The following MARCHF11 variants were observed in gnomAD, a reference collection of about 807,000 sequenced individuals.
MARCHF11 encodes membrane associated ring-CH-type finger 11, also known as E3 ubiquitin-protein ligase MARCHF11.
Under a neutral mutation model 37.3 loss-of-function variants are expected in MARCHF11, and 29 were observed. The ratio of observed to expected loss-of-function variants is 0.78; its 90% CI spans 0.58 to 1.06. The LOEUF is 1.06. Ranked by LOEUF, MARCHF11 falls within the 50% of genes least tolerant of loss-of-function variation. The pLI, the probability that MARCHF11 is intolerant of heterozygous loss-of-function variation, is 0.00. For missense variants in MARCHF11, 482 were observed against 533.4 expected (o/e 0.90, Z 0.95); for synonymous variants, 233 against 228.0 (o/e 1.02, Z -0.20).
intron 2 of MARCHF11, among the ~76,000 whole-genome samples, chr5:16,092,761 T>C (rs976609064): frequency 2.0e-5 from 3 of 152,200 alleles, no homozygotes; most frequent in Non-Finnish European, 4.4e-5. Flanking sequence ...AAATAAAAAA[T>C]AATTAAACTG....
At chr5:16,169,848 C>T (rs1221986154) in intron 2 of MARCHF11, among the ~76,000 whole-genome samples, 2 of 152,112 alleles carry the variant, frequency 1.3e-5, no homozygotes, top group African/African-American at 4.8e-5. Context: ...GAAGTACTCT[C>T]ATTTTGCCCT....
chr5:16,086,346 G>A (rs1425840210), intron 3 of MARCHF11, among the ~76,000 whole-genome samples: 1 of 152,152 alleles, frequency 6.6e-6, no homozygotes, highest in Non-Finnish European at 1.5e-5. Flanking sequence ...GCAGAATTGG[G>A]GGTGTGAGTT....
chr5:16,152,950 G>T (rs756238607), intron 2 of MARCHF11, among the ~76,000 whole-genome samples: 17 of 151,962 alleles, frequency 1.1e-4, no homozygotes, highest in Non-Finnish European at 2.4e-4. Flanking sequence ...CATTTTAAGA[G>T]CAATAAATCA....
At chr5:16,071,865 C>T (rs1298045459) in intron 3 of MARCHF11, among the ~76,000 whole-genome samples, 4 of 152,086 alleles carry the variant, frequency 2.6e-5, no homozygotes, top group Non-Finnish European at 5.9e-5. Flanking sequence ...CTATTCTGTG[C>T]CAAATACTGT....
At chr5:16,087,834 T>A (rs112460072) in intron 3 of MARCHF11, among the ~76,000 whole-genome samples, 4 of 152,160 alleles carry the variant, frequency 2.6e-5, no homozygotes, top group African/African-American at 4.8e-5. Flanking sequence ...AGTAAACAAA[T>A]GTTCTCCAAA....
chr5:16,095,800 C>A (rs931895628), intron 2 of MARCHF11, among the ~76,000 whole-genome samples: 1 of 152,120 alleles, frequency 6.6e-6, no homozygotes, highest in African/African-American at 2.4e-5. Flanking sequence ...CCCAGATAGC[C>A]GTGTCCGTCC....
chr5:16,082,790 C>A (rs1449510262), intron 3 of MARCHF11, among the ~76,000 whole-genome samples: 1 of 152,130 alleles, frequency 6.6e-6, no homozygotes. Flanking sequence ...TCTTCACGTG[C>A]CCCATGATTT....
At chr5:16,160,407 T>C (rs1210158736) in intron 2 of MARCHF11, among the ~76,000 whole-genome samples, 1 of 146,174 alleles carries the variant, frequency 6.8e-6, no homozygotes, top group Non-Finnish European at 1.5e-5. Context: ...TTTATATAAT[T>C]TTATAATTTT....
At chr5:16,086,411 T>C (rs1736698854) in intron 3 of MARCHF11, among the ~76,000 whole-genome samples, 1 of 152,148 alleles carries the variant, frequency 6.6e-6, no homozygotes, top group African/African-American at 2.4e-5. Context: ...AAATTTCACA[T>C]GTGTTTGTAT....
Position 16,128,696 on chromosome 5 carries a change from A to G in MARCHF11, c.694-37615T>C, listed in dbSNP as rs561205945. ...CATAGAAAGTGTCTTAACAAAAGAAATAACCTCTTTGGAGTGGATTTTAGT... is the reference window on the plus strand; with the variant it reads ...CATAGAAAGTGTCTTAACAAAAGAAGTAACCTCTTTGGAGTGGATTTTAGT... On this transcript the variant is annotated intron_variant, in intron 2 of 3. Transcript: ENST00000332432. Among the ~76,000 whole-genome samples the G allele has an allele frequency of 2.6e-5, 4 of 152,354 alleles. No individual in the cohort carries two copies. The East Asian group carries it at 7.7e-4, about 29-fold the overall frequency.
At chr5:16,166,539 C>T (rs889168234) in intron 2 of MARCHF11, among the ~76,000 whole-genome samples, 6 of 151,718 alleles carry the variant, frequency 4.0e-5, no homozygotes, top group East Asian at 3.9e-4. Context: ...TCTATCAACA[C>T]AGAAATGGTT....
At chr5:16,091,232 T>TA (rs1736787294) in intron 2 of MARCHF11, among the ~76,000 whole-genome samples, 151 bp from the exon 3 acceptor site, 1 of 152,200 alleles carries the variant, frequency 6.6e-6, no homozygotes, top group Admixed American at 6.5e-5. Context: ...ATCCAGGCTA[T>TA]AAAAAATAGA....
chr5:16,078,166 C>T (rs896996436), intron 3 of MARCHF11, among the ~76,000 whole-genome samples: 2 of 152,182 alleles, frequency 1.3e-5, no homozygotes, highest in Non-Finnish European at 2.9e-5. Context: ...ACTCATTACA[C>T]AGGCTGTGGA....
At chr5:16,169,598 T>C (rs1309820589) in intron 2 of MARCHF11, among the ~76,000 whole-genome samples, 1 of 152,152 alleles carries the variant, frequency 6.6e-6, no homozygotes, top group South Asian at 2.1e-4. Context: ...TGTCTTATCA[T>C]ATAACAGGTT....
At chr5:16,098,760 T>G (rs1349772191) in intron 2 of MARCHF11, among the ~76,000 whole-genome samples, 2 of 144,004 alleles carry the variant, frequency 1.4e-5, no homozygotes, top group African/African-American at 5.5e-5. Flanking sequence ...AGAGTGAGAC[T>G]CCATCTCAAA....
intron 2 of MARCHF11, among the ~76,000 whole-genome samples, chr5:16,175,394 C>T (rs1738339012): frequency 6.6e-6 from 1 of 152,116 alleles, no homozygotes; most frequent in Admixed American, 6.5e-5. Flanking sequence ...CTGACAGATC[C>T]AGAAACATGA....
At chr5:16,081,224 C>T (rs6866710) in intron 3 of MARCHF11, among the ~76,000 whole-genome samples, 4,133 of 152,274 alleles carry the variant, frequency 0.027, 174 homozygotes, top group African/African-American at 0.094. Flanking sequence ...GTCTCCTCTT[C>T]CTCAGGTGGA....
At chr5:16,083,172 G>C (rs1386042725) in intron 3 of MARCHF11, among the ~76,000 whole-genome samples, 2 of 152,144 alleles carry the variant, frequency 1.3e-5, no homozygotes, top group Non-Finnish European at 2.9e-5. Flanking sequence ...GGCTGTTGGT[G>C]GTTGGCAGCT....
At position 16,177,713 on chromosome 5, in the gene MARCHF11, T is replaced by C; in HGVS notation, c.693+13A>G. ...AAATTATTTCAGGAAAAATAAATGT[T>C]GAAACTGCTTACCTGGCAAGGTTGT... On this transcript the variant is annotated intron_variant, in intron 2 of 3. Transcript: ENST00000332432. 6.3e-7 allele frequency: 1 copy of C among 1,592,638 alleles called. No individual in the cohort carries two copies.
Sources: gnomAD v4.1 joint callset for allele counts (sites outside exome capture counted in the v4.1 genomes callset) on GRCh38, gnomAD v4.1.1 for gene constraint, MANE v1.5 for transcripts, NCBI Gene and HGNC (gene_info 2026-07-23, HGNC 2026-07-21) for gene names.